Variants in PAMR1 observed in about 807,000 individuals in gnomAD.
PAMR1 encodes inactive serine protease PAMR1.
PAMR1 carries 88 observed loss-of-function variants against 81.8 expected under a neutral mutation model. The ratio of observed to expected loss-of-function variants is 1.08; its 90% CI spans 0.91 to 1.28. The LOEUF (loss-of-function observed/expected upper bound fraction) is 1.28, where lower values mean the gene tolerates loss of function less well. Ranked by LOEUF, PAMR1 falls within the 50% of genes most tolerant of loss-of-function variation. The probability of loss-of-function intolerance (pLI) is 0.00; values close to 1 mark genes in which losing one functional copy is unlikely to be tolerated. For synonymous variants in PAMR1, 336 were observed against 345.3 expected (o/e 0.97, Z 0.30); for missense variants, 935 against 919.7 (o/e 1.02, Z -0.21).
chr11:35,435,771 T>C, intron 9 of PAMR1, 132 bp downstream of exon 9: 1 of 663,880 alleles, frequency 1.5e-6, no homozygotes, highest in Non-Finnish European at 2.6e-6. Context: ...AAGCTCTAAC[T>C]ATGGAATTTC....
intron 6 of PAMR1, among the ~76,000 whole-genome samples, chr11:35,443,215 T>G (rs1856215155): frequency 1.3e-5 from 2 of 152,164 alleles, no homozygotes; most frequent in East Asian, 3.9e-4. Flanking sequence ...TATTTTTATT[T>G]TATTAAGCTC....
chr11:35,523,927 A>C (rs376361922), intron 1 of PAMR1, among the ~76,000 whole-genome samples: 105 of 152,322 alleles, frequency 6.9e-4, no homozygotes, highest in African/African-American at 2.5e-3. Flanking sequence ...GGCTAGGAAA[A>C]AGAGCCAGCT....
intron 8 of PAMR1, 65 bp downstream of exon 8, chr11:35,439,562 G>A: frequency 7.8e-7 from 1 of 1,289,602 alleles, no homozygotes; most frequent in Non-Finnish European, 1.1e-6. Context: ...CACAAGTGGG[G>A]AAGGGGAATG....
chr11:35,501,916 A>C (rs1850853708), intron 1 of PAMR1, among the ~76,000 whole-genome samples: 1 of 152,184 alleles, frequency 6.6e-6, no homozygotes, highest in Non-Finnish European at 1.5e-5. Flanking sequence ...TGTCTCTTTG[A>C]TATATTTCCT....
Position 35,470,719 on chromosome 11 carries a change from G to A in PAMR1, c.594C>T (p.Val198=). ...TAGGAGCTGGCCGCTCGTTGCCACAGACACGCTTGATGATCTGGCCATCGC... is the reference window on the plus strand; with the variant it reads ...TAGGAGCTGGCCGCTCGTTGCCACAAACACGCTTGATGATCTGGCCATCGC... ...DNRDGQIIKR[V]CGNERPAPIQ... The change falls in exon 5 of 11, where the codon GTC becomes GTT. Residue 198 remains valine, a synonymous_variant. Coordinates refer to ENST00000619888, the MANE Select transcript of PAMR1 (RefSeq NM_001001991.3). The A allele has an allele frequency of 6.2e-7, 1 of 1,614,104 alleles. No homozygotes were observed. The highest frequency in any genetic ancestry group is 8.5e-7 in the Non-Finnish European group (1 of 1,179,968).
At chr11:35,471,986 AAT>A (rs60412966) in intron 4 of PAMR1, among the ~76,000 whole-genome samples, 4,121 of 152,274 alleles carry the variant, frequency 0.027, 181 homozygotes, top group African/African-American at 0.094. Flanking sequence ...GGAACACTGG[AAT>A]ATAGTGACAA....
chr11:35,450,751 G>A (rs766214528), intron 6 of PAMR1, among the ~76,000 whole-genome samples: 30 of 152,046 alleles, frequency 2.0e-4, no homozygotes, highest in African/African-American at 5.8e-4. Flanking sequence ...TATATTATTC[G>A]TTTCTAACAT....
chr11:35,479,703 C>T (rs1421245316), intron 3 of PAMR1, among the ~76,000 whole-genome samples: 1 of 152,182 alleles, frequency 6.6e-6, no homozygotes, highest in African/African-American at 2.4e-5. Flanking sequence ...TAAGGGCTCT[C>T]ACATCAAGAG....
chr11:35,491,058 G>A (rs1160919051), intron 3 of PAMR1, among the ~76,000 whole-genome samples: 6 of 152,104 alleles, frequency 3.9e-5, no homozygotes, highest in East Asian at 1.9e-4. Flanking sequence ...TTAAATTTAC[G>A]AGAAACCACC....
At chr11:35,507,339 G>A (rs1850983430) in intron 1 of PAMR1, among the ~76,000 whole-genome samples, 1 of 152,028 alleles carries the variant, frequency 6.6e-6, no homozygotes, top group African/African-American at 2.4e-5. Context: ...GAGCCACCAT[G>A]CCCAGCCTCA....
chr11:35,487,228 A>AC (rs1275211574), intron 3 of PAMR1, among the ~76,000 whole-genome samples: 1 of 152,058 alleles, frequency 6.6e-6, no homozygotes, highest in African/African-American at 2.4e-5. Flanking sequence ...AAAAAAAAAA[A>AC]AAACTGAACA....
intron 3 of PAMR1, among the ~76,000 whole-genome samples, chr11:35,485,938 A>G (rs1231797342): frequency 6.6e-6 from 1 of 152,260 alleles, no homozygotes; most frequent in Non-Finnish European, 1.5e-5. Context: ...TGTCCCAGCC[A>G]TATGTAGGCG....
intron 3 of PAMR1, among the ~76,000 whole-genome samples, chr11:35,481,923 T>C (rs1850402070): frequency 6.6e-6 from 1 of 152,338 alleles, no homozygotes; most frequent in Non-Finnish European, 1.5e-5. Context: ...TCCTTGTAGA[T>C]TCTGGATATT....
chr11:35,451,020 T>C (rs752663795), intron 6 of PAMR1, among the ~76,000 whole-genome samples: 2 of 152,198 alleles, frequency 1.3e-5, no homozygotes, highest in Non-Finnish European at 2.9e-5. Context: ...TTAAGACCAG[T>C]CTTGGAATAC....
At chr11:35,466,255 G>A (rs1053532743) in intron 6 of PAMR1, among the ~76,000 whole-genome samples, 2 of 152,116 alleles carry the variant, frequency 1.3e-5, no homozygotes, top group Non-Finnish European at 2.9e-5. Context: ...CACACAACAT[G>A]GCAGGCTCAA....
chr11:35,508,872 G>A (rs1193224275), intron 1 of PAMR1, among the ~76,000 whole-genome samples: 2 of 152,058 alleles, frequency 1.3e-5, no homozygotes, highest in Non-Finnish European at 2.9e-5. Context: ...TGCTGTGAAG[G>A]ACTTGATGTC....
rs1565321327 is a variant in PAMR1, at chr11:35,432,574, AG to A, written c.1944del (p.Cys649ValfsTer37). ...GIPVSVTDNM[F>X]CASWEPTAPS... ...GGGGCAGTGGGTTCCCAGCTGGCAC[AG>A]AACATGTTATCAGTGACACTCACTG... On this transcript the variant is annotated frameshift_variant, in exon 11 of 11. Coordinates refer to ENST00000619888, the MANE Select transcript of PAMR1 (RefSeq NM_001001991.3). LOFTEE classifies it high-confidence loss of function. 6.2e-7 allele frequency: 1 copy of A among 1,614,234 alleles called. No homozygotes were observed. The highest frequency in any genetic ancestry group is 8.5e-7 in the Non-Finnish European group (1 of 1,180,028).
intron 3 of PAMR1, among the ~76,000 whole-genome samples, chr11:35,477,237 C>G (rs1403730503): frequency 6.6e-6 from 1 of 152,132 alleles, no homozygotes; most frequent in Non-Finnish European, 1.5e-5. Context: ...AGCTTGTACA[C>G]CTAGAATGGT....
intron 1 of PAMR1, among the ~76,000 whole-genome samples, chr11:35,501,620 C>T (rs1316084698): frequency 6.6e-6 from 1 of 151,638 alleles, no homozygotes; most frequent in East Asian, 1.9e-4. Flanking sequence ...CACAAACATA[C>T]ATATTAGCCT....
Sources: allele counts gnomAD v4.1 joint callset (sites outside exome capture counted in the v4.1 genomes callset), GRCh38; gene constraint gnomAD v4.1.1; transcripts MANE v1.5; gene names NCBI Gene and HGNC (gene_info 2026-07-23, HGNC 2026-07-21).